MACROD2: variants seen among roughly 807,000 people sequenced by gnomAD.
MACROD2 encodes the protein mono-ADP ribosylhydrolase 2.
MACROD2 carries 36 observed loss-of-function variants against 70.4 expected under a neutral mutation model. The ratio of observed to expected loss-of-function variants is 0.51; its 90% CI spans 0.39 to 0.68. MACROD2 has a LOEUF of 0.68. Among genes scored for constraint, MACROD2 ranks in the 30% least tolerant of loss-of-function variants. MACROD2 has a pLI of 0.00. For synonymous variants in MACROD2, 172 were observed against 178.8 expected (o/e 0.96, Z 0.30); for missense variants, 496 against 538.4 (o/e 0.92, Z 0.78).
chr20:15,793,885 A>G (rs1293807456), intron 8 of MACROD2, among the ~76,000 whole-genome samples: 1 of 147,452 alleles, frequency 6.8e-6, no homozygotes, highest in African/African-American at 2.5e-5. Context: ...ATGGGGATTT[A>G]CATTATTTTA....
intron 6 of MACROD2, among the ~76,000 whole-genome samples, chr20:15,255,354 C>T (rs149616884): frequency 6.0e-4 from 92 of 152,254 alleles, no homozygotes; most frequent in African/African-American, 2.0e-3. Context: ...TGCCACTTCT[C>T]TTTGCCTATT....
At chr20:14,586,864 G>A (rs2036357206) in intron 4 of MACROD2, among the ~76,000 whole-genome samples, 1 of 151,846 alleles carries the variant, frequency 6.6e-6, no homozygotes, top group African/African-American at 2.4e-5. Context: ...AGTTACTATA[G>A]CCTCATAATA....
chr20:15,542,229 G>A (rs1430856255), intron 8 of MACROD2, among the ~76,000 whole-genome samples: 3 of 152,206 alleles, frequency 2.0e-5, no homozygotes, highest in African/African-American at 7.2e-5. Context: ...GTGACCCTGA[G>A]TGAGTCAGGA....
At chr20:14,049,496 T>A (rs1427716829) in intron 2 of MACROD2, among the ~76,000 whole-genome samples, 3 of 151,568 alleles carry the variant, frequency 2.0e-5, no homozygotes, top group Admixed American at 2.0e-4. Context: ...ATCCCAGCAC[T>A]TTGGGAGGCC....
intron 4 of MACROD2, among the ~76,000 whole-genome samples, chr20:14,556,313 C>T (rs918980205): frequency 2.0e-5 from 3 of 151,968 alleles, no homozygotes; most frequent in Admixed American, 1.3e-4. Flanking sequence ...GGAAGTCTCT[C>T]AAAGATCAAA....
intron 4 of MACROD2, among the ~76,000 whole-genome samples, chr20:14,526,671 G>T (rs1485592926): frequency 6.6e-6 from 1 of 152,176 alleles, no homozygotes. Context: ...AAACAGAAAA[G>T]GTTCCCTTGT....
intron 8 of MACROD2, among the ~76,000 whole-genome samples, chr20:15,811,195 A>C (rs531593907): frequency 1.6e-3 from 236 of 152,110 alleles, no homozygotes; most frequent in Non-Finnish European, 2.6e-3. Context: ...TCATCTGACA[A>C]AGGGCTAATA....
intron 3 of MACROD2, among the ~76,000 whole-genome samples, chr20:14,321,361 T>C (rs2082658963): frequency 3.3e-5 from 1 of 30,304 alleles, no homozygotes; most frequent in African/African-American, 1.0e-4. Flanking sequence ...TGATACTCCA[T>C]CTCAAAAAAA....
chr20:15,391,064 C>T (rs923130163), intron 6 of MACROD2, among the ~76,000 whole-genome samples: 1 of 152,112 alleles, frequency 6.6e-6, no homozygotes, highest in Non-Finnish European at 1.5e-5. Flanking sequence ...GATGAGGCAC[C>T]TAAGATGACA....
chr20:15,440,483 C>G (rs538909995), intron 7 of MACROD2, among the ~76,000 whole-genome samples: 1 of 152,296 alleles, frequency 6.6e-6, no homozygotes, highest in East Asian at 1.9e-4. Flanking sequence ...CAAGTTTGCT[C>G]TGCTTCTAAC....
In MACROD2 at chr20:14,380,300, G is replaced by A. The variant is rs911322140; in HGVS notation, c.272-113179G>A. Among the ~76,000 whole-genome samples the A allele has an allele frequency of 2.0e-5, 3 of 152,008 alleles. No homozygotes were observed. The South Asian group carries it at 6.2e-4, about 32-fold the overall frequency. ...TTTGCCCATTTTTTAGTTGGGTAGA[G>A]TTCTGGATATTTAACACTCATGTGA... On this transcript the variant is annotated intron_variant, in intron 3 of 17. Transcript: ENST00000684519.
chr20:14,326,421 G>A lies in MACROD2; in HGVS notation c.272-167058G>A, dbSNP rs1568558186. ...GTATTGCAGTGGTTATCTGAATGGT[G>A]CTTACAATCCCACTGTCCTTACAAT... is the stretch of plus-strand genomic sequence containing the variant. On this transcript the variant is annotated intron_variant, in intron 3 of 17. Transcript: ENST00000684519. This position sits in a 1 kb window ranked among gnomAD's most constrained non-coding sequence, Gnocchi z 5.5. 1 of 1,613,882 alleles carries A rather than the reference G, an allele frequency of 6.2e-7. No individual in the cohort carries two copies. Among genetic ancestry groups the A allele is most frequent in the Non-Finnish European group, 8.5e-7 (1 of 1,179,868 alleles).
chr20:14,557,354 C>T (rs1306607066), intron 4 of MACROD2, among the ~76,000 whole-genome samples: 2 of 151,804 alleles, frequency 1.3e-5, no homozygotes, highest in Admixed American at 6.6e-5. Flanking sequence ...GCACTGACAA[C>T]AAAAAGAAAG....
chr20:15,244,391 C>CA (rs1269636232), intron 6 of MACROD2, among the ~76,000 whole-genome samples: 1 of 152,148 alleles, frequency 6.6e-6, no homozygotes, highest in East Asian at 1.9e-4. Flanking sequence ...AACACCAAAG[C>CA]AAAATCTGCT....
rs1457098946 is a variant in MACROD2, at chr20:15,922,150, G to A, written c.776-11126G>A. On this transcript the variant is annotated intron_variant, in intron 10 of 17. Coordinates refer to ENST00000684519, the MANE Select transcript of MACROD2 (RefSeq NM_001351661.2). ...GAAATCAGAGGTAAGTGCCAGGGACGATGGCCAGGGCTTTGACAGCTGTGG... is the reference window on the plus strand; with the variant it reads ...GAAATCAGAGGTAAGTGCCAGGGACAATGGCCAGGGCTTTGACAGCTGTGG... 3.9e-5 allele frequency among the ~76,000 whole-genome samples: 6 copies of A among 152,326 alleles called. No homozygotes were observed. In the East Asian group the frequency reaches 1.2e-3, roughly 29 times the overall value.
intron 8 of MACROD2, among the ~76,000 whole-genome samples, chr20:15,795,658 T>C (rs771310063): frequency 2.6e-4 from 39 of 152,204 alleles, no homozygotes; most frequent in Non-Finnish European, 5.7e-4. Flanking sequence ...TATTAAGATA[T>C]GTGTGGCTTG....
At chr20:14,506,566 C>A (rs2084971731) in intron 4 of MACROD2, among the ~76,000 whole-genome samples, 1 of 152,078 alleles carries the variant, frequency 6.6e-6, no homozygotes, top group Non-Finnish European at 1.5e-5. Context: ...GACTGCTGAT[C>A]ATGAAGGAGA....
At chr20:15,614,114 GAT>G (rs2049006176) in intron 8 of MACROD2, among the ~76,000 whole-genome samples, 1 of 152,168 alleles carries the variant, frequency 6.6e-6, no homozygotes, top group African/African-American at 2.4e-5. Context: ...CCTGCTGTGT[GAT>G]CTTGAAAAGT....
intron 10 of MACROD2, among the ~76,000 whole-genome samples, chr20:15,905,769 G>C (rs930157395): frequency 3.9e-5 from 6 of 152,180 alleles, no homozygotes; most frequent in Non-Finnish European, 8.8e-5. Flanking sequence ...ATACCAGAGA[G>C]AGCCTTAAAA....
Sources: allele counts gnomAD v4.1 joint callset (sites outside exome capture counted in the v4.1 genomes callset), GRCh38; gene constraint gnomAD v4.1.1; non-coding constraint Gnocchi (gnomAD v3.1); transcripts MANE v1.5; gene names NCBI Gene and HGNC (gene_info 2026-07-23, HGNC 2026-07-21).